The following SDK1 variants were observed in gnomAD, a reference collection of about 807,000 sequenced individuals.
The protein encoded by SDK1 is sidekick cell adhesion molecule 1.
Under a neutral mutation model 245.5 loss-of-function variants are expected in SDK1, and 157 were observed. That is an observed-to-expected ratio of 0.64 (90% CI 0.56 to 0.73). SDK1 has a LOEUF of 0.73. SDK1 is among the 30% of genes least tolerant of loss of function. SDK1 has a pLI of 0.00. For synonymous variants in SDK1, 1,647 were observed against 1,278.5 expected (o/e 1.29, Z -6.15); for missense variants, 3,583 against 3,002.3 (o/e 1.19, Z -4.52).
chr7:3,490,214 T>C (rs1193283342), intron 1 of SDK1, among the ~76,000 whole-genome samples: 1 of 152,232 alleles, frequency 6.6e-6, no homozygotes, highest in Non-Finnish European at 1.5e-5. Context: ...ATCCAGGTAA[T>C]GTAATGTGAA....
At chr7:4,155,545 G>T (rs1254447045) in intron 30 of SDK1, among the ~76,000 whole-genome samples, 4 of 152,232 alleles carry the variant, frequency 2.6e-5, no homozygotes, top group Admixed American at 6.5e-5. Flanking sequence ...AAACAGTGGA[G>T]TGCTGAGTAT....
chr7:3,442,489 T>G (rs183111079), intron 1 of SDK1, among the ~76,000 whole-genome samples: 1 of 152,338 alleles, frequency 6.6e-6, no homozygotes, highest in East Asian at 1.9e-4. Flanking sequence ...ACTATCCTCC[T>G]AAGACCTCTC....
At chr7:4,050,110 G>C (rs555118350) in intron 18 of SDK1, among the ~76,000 whole-genome samples, 52 of 152,304 alleles carry the variant, frequency 3.4e-4, no homozygotes, top group African/African-American at 1.1e-3. Flanking sequence ...CTTGATTTTA[G>C]CTACAATAGG....
intron 1 of SDK1, among the ~76,000 whole-genome samples, chr7:3,480,206 T>C (rs560083557): frequency 1.5e-3 from 235 of 152,266 alleles, no homozygotes; most frequent in African/African-American, 5.5e-3. Context: ...AGAAGAGTGG[T>C]GTGACATGAG....
At chr7:3,694,429 C>T (rs1223773400) in intron 4 of SDK1, among the ~76,000 whole-genome samples, 5 of 152,118 alleles carry the variant, frequency 3.3e-5, no homozygotes, top group Non-Finnish European at 7.4e-5. Context: ...GCTTGGCAAG[C>T]GGGGAATAGC....
chr7:3,437,928 A>G (rs192847842), intron 1 of SDK1, among the ~76,000 whole-genome samples: 1 of 151,484 alleles, frequency 6.6e-6, no homozygotes, highest in East Asian at 1.9e-4. Context: ...TAATGAGAAT[A>G]CTCCCCCTAC....
intron 1 of SDK1, among the ~76,000 whole-genome samples, chr7:3,322,496 A>C (rs1779842347): frequency 6.6e-6 from 1 of 152,174 alleles, no homozygotes; most frequent in Non-Finnish European, 1.5e-5. Flanking sequence ...TATGCCTAGA[A>C]GTTGCATTAC....
chr7:3,801,676 T>C (rs1327711745), intron 4 of SDK1, among the ~76,000 whole-genome samples: 1 of 152,188 alleles, frequency 6.6e-6, no homozygotes, highest in African/African-American at 2.4e-5. Flanking sequence ...CTAGATGCTG[T>C]GGCTGCTCCC....
chr7:3,955,414 C>A (rs577288607), intron 7 of SDK1, among the ~76,000 whole-genome samples: 1 of 152,136 alleles, frequency 6.6e-6, no homozygotes, highest in Admixed American at 6.5e-5. Context: ...TAAATTGGGC[C>A]CACCCAGCGA....
chr7:3,323,902 G>A (rs1779878617), intron 1 of SDK1, among the ~76,000 whole-genome samples: 1 of 152,178 alleles, frequency 6.6e-6, no homozygotes, highest in Admixed American at 6.5e-5. Flanking sequence ...TTCTTCTTCA[G>A]CCAGTAAAAT....
chr7:3,459,219 T>C (rs566338080), intron 1 of SDK1, among the ~76,000 whole-genome samples: 9 of 152,346 alleles, frequency 5.9e-5, no homozygotes, highest in African/African-American at 2.2e-4. Context: ...AAGTACCTTG[T>C]TCATTTCATA....
chr7:4,023,495 G>T (rs189115040), intron 17 of SDK1, among the ~76,000 whole-genome samples: 4 of 152,098 alleles, frequency 2.6e-5, no homozygotes, highest in African/African-American at 9.7e-5. Flanking sequence ...GATTACCCAC[G>T]ATGAAATGGA....
At chr7:3,977,743 C>G (rs913981977) in intron 13 of SDK1, among the ~76,000 whole-genome samples, 1 of 152,220 alleles carries the variant, frequency 6.6e-6, no homozygotes, top group Non-Finnish European at 1.5e-5. Flanking sequence ...TTCATGGCTC[C>G]CTCTCCTCCT....
intron 9 of SDK1, among the ~76,000 whole-genome samples, chr7:3,963,899 A>G (rs1340267793): frequency 1.3e-5 from 2 of 151,746 alleles, no homozygotes; most frequent in East Asian, 3.9e-4. Context: ...GGGTACACCC[A>G]GGCTCACAGC....
intron 1 of SDK1, among the ~76,000 whole-genome samples, chr7:3,518,414 A>C (rs371281044): frequency 6.6e-6 from 1 of 152,128 alleles, no homozygotes; most frequent in African/African-American, 2.4e-5. Flanking sequence ...AGAATGGGAG[A>C]ACATATTTGC....
At chr7:3,326,620 C>T (rs1312034717) in intron 1 of SDK1, among the ~76,000 whole-genome samples, 9 of 152,158 alleles carry the variant, frequency 5.9e-5, no homozygotes, top group Non-Finnish European at 1.3e-4. Flanking sequence ...ACTGAGTCCT[C>T]ATTGCTACAT....
chr7:4,193,208 TAATA>T (rs1334519896), intron 35 of SDK1, among the ~76,000 whole-genome samples: 1 of 130,970 alleles, frequency 7.6e-6, no homozygotes, highest in Non-Finnish European at 1.6e-5. Flanking sequence ...ATTTATATAT[TAATA>T]TATATATTGT....
At chr7:3,732,894 T>A (rs1779219277) in intron 4 of SDK1, among the ~76,000 whole-genome samples, 1 of 152,180 alleles carries the variant, frequency 6.6e-6, no homozygotes, top group African/African-American at 2.4e-5. Context: ...CATCCTGACT[T>A]GCTGTGGAGA....
intron 4 of SDK1, among the ~76,000 whole-genome samples, chr7:3,760,192 C>A (rs1189456721): frequency 6.6e-6 from 1 of 152,072 alleles, no homozygotes; most frequent in African/African-American, 2.4e-5. Flanking sequence ...GAGGTCTCGG[C>A]CATTTGGGTG....
Sources: allele counts gnomAD v4.1 joint callset (sites outside exome capture counted in the v4.1 genomes callset), GRCh38; gene constraint gnomAD v4.1.1; transcripts MANE v1.5; gene names NCBI Gene and HGNC (gene_info 2026-07-23, HGNC 2026-07-21).